RAB30: variants seen among roughly 807,000 people sequenced by gnomAD.
RAB30 encodes the protein RAB30, member RAS oncogene family.
RAB30 carries 9 observed loss-of-function variants against 25.1 expected under a neutral mutation model. That is an observed-to-expected ratio of 0.36 (90% CI 0.22 to 0.63). RAB30 has a LOEUF of 0.63. RAB30 is among the 20% of genes least tolerant of loss of function. RAB30 has a pLI of 0.69. For missense variants in RAB30, 140 were observed against 243.5 expected (o/e 0.58, Z 2.83); for synonymous variants, 77 against 86.4 (o/e 0.89, Z 0.60).
Position 83,016,344 on chromosome 11 carries a change from T to C in RAB30, c.-8-19020A>G, listed in dbSNP as rs201025469. On this transcript the variant is annotated intron_variant, in intron 1 of 4. Transcript: ENST00000527633. ...GAAAAGAAACAGAGAAACTAGGAGA[T>C]AGCTACAGGGGATATAATGTCAACA... 2.6e-5 allele frequency among the ~76,000 whole-genome samples: 4 copies of C among 152,198 alleles called. No individual in the cohort carries two copies. The East Asian group carries it at 7.7e-4, about 29-fold the overall frequency.
chr11:83,040,443 T>C (rs1244902082), intron 1 of RAB30, among the ~76,000 whole-genome samples: 1 of 151,966 alleles, frequency 6.6e-6, no homozygotes, highest in African/African-American at 2.4e-5. Flanking sequence ...AATACAAAAT[T>C]AGCTGGGTGT....
At chr11:83,005,752 ATG>A (rs1221719263) in intron 1 of RAB30, among the ~76,000 whole-genome samples, 3 of 152,100 alleles carry the variant, frequency 2.0e-5, no homozygotes, top group Non-Finnish European at 4.4e-5. Context: ...ATTTCACTAA[ATG>A]TTTCAAAAAT....
chr11:83,003,969 C>T (rs1274238823), intron 1 of RAB30, among the ~76,000 whole-genome samples: 1 of 152,180 alleles, frequency 6.6e-6, no homozygotes, highest in African/African-American at 2.4e-5. Context: ...GATAGCTTCA[C>T]AGTAACATAA....
At chr11:83,041,024 T>A (rs1439726316) in intron 1 of RAB30, 3 of 152,302 alleles carry the variant, frequency 2.0e-5, no homozygotes, top group African/African-American at 7.3e-5. Flanking sequence ...TGAAACCGCA[T>A]CTCTACCAAA....
At chr11:82,997,116 A>G in intron 2 of RAB30, 108 bp downstream of exon 2, 2 of 873,910 alleles carry the variant, frequency 2.3e-6, no homozygotes, top group South Asian at 3.0e-5. Context: ...CACAGCTAAG[A>G]CCCTGGCATT....
At position 82,978,018 on chromosome 11, in the gene RAB30, A is replaced by G. The variant is rs1422399567; in HGVS notation, c.*4147T>C. On this transcript the variant is annotated 3_prime_UTR_variant, in exon 5 of 5. Transcript: ENST00000527633. ...AATCCAAAAAGAAAGTAAAGAAAAC[A>G]TATCCCTCCCTTATCCCAAAATTAG... 1 of 152,196 alleles carries G rather than the reference A, an allele frequency of 6.6e-6. No individual in the cohort carries two copies. The highest frequency in any genetic ancestry group is 2.1e-4 in the South Asian group (1 of 4,834). 9.4% of individuals were successfully genotyped at this position (152,196 alleles called of 1,614,324 possible).
At position 83,032,430 on chromosome 11, in the gene RAB30, TAGACAAAC is replaced by T. The variant is rs1297666195; in HGVS notation, c.-8-35114_-8-35107del. ...GGGGGTATGATTTCAGGGCAGAGAG[TAGACAAAC>T]AGCTTCTAGGATACAAATAATGTTC... On this transcript the variant is annotated intron_variant, in intron 1 of 4. Transcript: ENST00000527633. 2.0e-5 allele frequency among the ~76,000 whole-genome samples: 3 copies of T among 152,046 alleles called. No individual in the cohort carries two copies. In the East Asian group the frequency reaches 5.8e-4, roughly 29 times the overall value.
chr11:82,979,150 G>A lies in RAB30; in HGVS notation c.*3015C>T, dbSNP rs1433662520. On this transcript the variant is annotated 3_prime_UTR_variant, in exon 5 of 5. Transcript: ENST00000527633. The stretch of plus-strand genomic sequence containing the variant: ...AAGAAGCACAAAATCCTTTGAGGAT[G>A]TAGTCTATACAAAGCCATAAGAAAA... 3 of 152,180 alleles carry A rather than the reference G, an allele frequency of 2.0e-5. No homozygotes were observed. The highest frequency in any genetic ancestry group is 3.8e-4 in the East Asian group (2 of 5,202). The allele number at this position is 152,180 out of a possible 1,614,324, so 9.4% of individuals were successfully genotyped here.
Position 82,974,988 on chromosome 11 carries a change from A to G in RAB30, c.*7177T>C, listed in dbSNP as rs1467105743. The G allele has an allele frequency of 2.8e-5, 4 of 141,070 alleles. No individual in the cohort carries two copies. Among genetic ancestry groups the G allele is most frequent in the African/African-American group, 1.0e-4 (4 of 38,168 alleles). 8.7% of individuals were successfully genotyped at this position (141,070 alleles called of 1,614,324 possible). The stretch of plus-strand genomic sequence containing the variant: ...GCTGAAAACAGAAATTTTGCTCACG[A>G]GTTAGTTCAAATACATTTATGTAGC... On this transcript the variant is annotated 3_prime_UTR_variant, in exon 5 of 5. Coordinates refer to ENST00000527633, the MANE Select transcript of RAB30 (RefSeq NM_001286060.2).
intron 3 of RAB30, 135 bp from the exon 4 acceptor site, chr11:82,987,905 T>TAAAAAAAAAAAAAAAAA (rs35726383): frequency 2.0e-4 from 7 of 35,308 alleles, no homozygotes; most frequent in Non-Finnish European, 3.0e-4. Context: ...TTTTCTGCCC[T>TAAAAAAAAAAAAAAAAA]AAAAAAAAAA....
At position 82,997,220 on chromosome 11, in the gene RAB30, T is replaced by C; in HGVS notation, c.93+4A>G. The C allele has an allele frequency of 6.2e-7, 1 of 1,602,962 alleles. No homozygotes were observed. Among genetic ancestry groups the C allele is most frequent in the East Asian group, 2.2e-5 (1 of 44,836 alleles). On this transcript the variant is annotated splice_donor_region_variant and intron_variant, in intron 2 of 4. Transcript: ENST00000527633. The stretch of plus-strand genomic sequence containing the variant: ...CTTACGAGTTCCCTTACGAGTTCCC[T>C]TACCTGAGTGAATCTTCGGACGAGG...
intron 1 of RAB30, among the ~76,000 whole-genome samples, chr11:83,046,722 T>C (rs1360864789): frequency 1.2e-4 from 19 of 152,160 alleles, no homozygotes; most frequent in Admixed American, 1.2e-3. Context: ...CTCGAACTCC[T>C]GGCGTCAAGT....
chr11:83,028,815 T>C (rs907258441), intron 1 of RAB30, among the ~76,000 whole-genome samples: 5 of 152,200 alleles, frequency 3.3e-5, no homozygotes, highest in Admixed American at 6.5e-5. Flanking sequence ...GACAGCAAGA[T>C]TGCTTAAGCG....
At position 82,982,407 on chromosome 11, in the gene RAB30, T is replaced by C. The variant is rs780281834; in HGVS notation, c.370A>G (p.Ile124Val). Reference sequence around the variant, plus strand: ...ACCTCTCTCCTTTCAGCCAGGTCAATCTTGTTGCCTATAACAGTAGTAAAA... The same window carrying C: ...ACCTCTCTCCTTTCAGCCAGGTCAACCTTGTTGCCTATAACAGTAGTAAAA... Reference protein sequence around the residue: ...KVITVLVGNKIDLAERREVSQ... With the variant: ...KVITVLVGNKVDLAERREVSQ... The change falls in exon 5 of 5, where the codon ATT becomes GTT. Residue 124 changes from isoleucine to valine, a missense_variant. Ile to Val is a conservative substitution (Grantham distance 29, BLOSUM62 3). Coordinates refer to ENST00000527633, the MANE Select transcript of RAB30 (RefSeq NM_001286060.2). The C allele has an allele frequency of 1.2e-5, 20 of 1,613,484 alleles. No individual in the cohort carries two copies. Among genetic ancestry groups the C allele is most frequent in the Non-Finnish European group, 1.6e-5 (19 of 1,179,966 alleles).
chr11:83,022,732 G>A (rs559997960), intron 1 of RAB30, among the ~76,000 whole-genome samples: 5 of 152,078 alleles, frequency 3.3e-5, no homozygotes, highest in East Asian at 1.9e-4. Context: ...CATTAGTAAT[G>A]GGCAATTTAA....
At chr11:83,069,208 C>T (rs1422558077) in intron 1 of RAB30, among the ~76,000 whole-genome samples, 1 of 152,122 alleles carries the variant, frequency 6.6e-6, no homozygotes, top group Non-Finnish European at 1.5e-5. Context: ...ATTTCTCCTC[C>T]CTAGGACAAT....
intron 1 of RAB30, among the ~76,000 whole-genome samples, chr11:83,023,060 G>A (rs181802151): frequency 1.3e-5 from 2 of 152,120 alleles, no homozygotes; most frequent in African/African-American, 2.4e-5. Context: ...TAGTTGGTGG[G>A]TATTTGGGTG....
chr11:83,065,879 C>T (rs1277999779), intron 1 of RAB30, among the ~76,000 whole-genome samples: 1 of 152,124 alleles, frequency 6.6e-6, no homozygotes, highest in Admixed American at 6.5e-5. Flanking sequence ...CAAGGACACA[C>T]GCGTATGATA....
chr11:83,019,670 C>A (rs1217817207), intron 1 of RAB30, among the ~76,000 whole-genome samples: 1 of 152,198 alleles, frequency 6.6e-6, no homozygotes, highest in Non-Finnish European at 1.5e-5. Flanking sequence ...CTAGTACACA[C>A]AAATTTAGCT....
Sources: allele counts gnomAD v4.1 joint callset (sites outside exome capture counted in the v4.1 genomes callset), GRCh38; gene constraint gnomAD v4.1.1; transcripts MANE v1.5; gene names NCBI Gene and HGNC (gene_info 2026-07-23, HGNC 2026-07-21).